Variants in PPARGC1A observed in about 807,000 individuals in gnomAD.
The protein encoded by PPARGC1A is peroxisome proliferator-activated receptor gamma coactivator 1-alpha.
In PPARGC1A, 25 loss-of-function variants were observed where a neutral mutation model predicts 88.7. The observed-to-expected ratio is 0.28, with a 90% CI of 0.21 to 0.39. The LOEUF (loss-of-function observed/expected upper bound fraction) is 0.39, where lower values mean the gene tolerates loss of function less well. PPARGC1A is among the 10% of genes least tolerant of loss of function. PPARGC1A has a pLI of 1.00. For missense variants in PPARGC1A, 880 were observed against 968.7 expected, an observed-to-expected ratio of 0.91 and a Z score of 1.22; for synonymous variants, 363 against 355.6, an observed-to-expected ratio of 1.02 and a Z score of -0.24.
the PPARGC1A span, among the ~76,000 whole-genome samples, chr4:24,049,605 T>C: frequency 6.6e-6 from 1 of 152,066 alleles, no homozygotes; most frequent in Admixed American, 6.6e-5. Flanking sequence ...TGGGCCTTTG[T>C]GGGAGAGATA....
At chr4:23,877,892 C>G (rs1715129814) in intron 2 of PPARGC1A, 1 of 152,224 alleles carries the variant, frequency 6.6e-6, no homozygotes, top group African/African-American at 2.4e-5. Context: ...GGGGCATGGA[C>G]AAATAAACAC....
At chr4:23,861,685 G>C (rs1404223727) in intron 2 of PPARGC1A, among the ~76,000 whole-genome samples, 1 of 152,116 alleles carries the variant, frequency 6.6e-6, no homozygotes, top group African/African-American at 2.4e-5. Flanking sequence ...CAAAAAAAAG[G>C]CAAAATATTT....
upstream of PPARGC1A, among the ~76,000 whole-genome samples, chr4:23,906,339 G>T (rs34135934): frequency 6.6e-6 from 1 of 151,800 alleles, no homozygotes; most frequent in Non-Finnish European, 1.5e-5. Context: ...CCAGCCGGGC[G>T]CGGTGGCTCA....
At chr4:24,038,231 C>T in the PPARGC1A span, among the ~76,000 whole-genome samples, 17 of 152,298 alleles carry the variant, frequency 1.1e-4, no homozygotes, top group African/African-American at 2.4e-4. Flanking sequence ...CATAACTCTG[C>T]GACTCAGGAT....
chr4:24,159,705 C>G, the PPARGC1A span, among the ~76,000 whole-genome samples: 1 of 152,208 alleles, frequency 6.6e-6, no homozygotes, highest in Non-Finnish European at 1.5e-5. Context: ...CAACTCATGT[C>G]AGTTCCCTTC....
chr4:24,032,368 G>C, the PPARGC1A span, among the ~76,000 whole-genome samples: 23 of 152,256 alleles, frequency 1.5e-4, no homozygotes, highest in Non-Finnish European at 3.1e-4. Flanking sequence ...GCTCCTGGTG[G>C]CTTATGGAGC....
At chr4:23,893,893 C>A (rs1193831148), upstream of PPARGC1A, among the ~76,000 whole-genome samples, 1 of 152,088 alleles carries the variant, frequency 6.6e-6, no homozygotes, top group East Asian at 1.9e-4. Flanking sequence ...CACGTATGGG[C>A]TAGACATTAA....
At chr4:23,987,723 G>A in the PPARGC1A span, among the ~76,000 whole-genome samples, 1 of 151,960 alleles carries the variant, frequency 6.6e-6, no homozygotes, top group Non-Finnish European at 1.5e-5. Context: ...AGAAGCCGAC[G>A]TTTATTCACC....
At chr4:24,365,050 C>T in the PPARGC1A span, among the ~76,000 whole-genome samples, 2 of 151,704 alleles carry the variant, frequency 1.3e-5, no homozygotes, top group Non-Finnish European at 2.9e-5. Flanking sequence ...CTACCAAATG[C>T]TAAATATAGG....
chr4:24,154,934 T>C, the PPARGC1A span, among the ~76,000 whole-genome samples: 1 of 152,144 alleles, frequency 6.6e-6, no homozygotes, highest in Non-Finnish European at 1.5e-5. Flanking sequence ...AGTTACACCT[T>C]GAGAAATGTA....
chr4:24,251,201 C>A, the PPARGC1A span, among the ~76,000 whole-genome samples: 5 of 152,194 alleles, frequency 3.3e-5, no homozygotes, highest in African/African-American at 4.8e-5. Flanking sequence ...AATACAGATG[C>A]TGAATGTGTT....
chr4:23,939,354 T>G, the PPARGC1A span, among the ~76,000 whole-genome samples: 1 of 152,212 alleles, frequency 6.6e-6, no homozygotes, highest in Non-Finnish European at 1.5e-5. Flanking sequence ...GACTAATTCA[T>G]TGACAGATGG....
At chr4:24,180,279 C>T in the PPARGC1A span, among the ~76,000 whole-genome samples, 14 of 152,190 alleles carry the variant, frequency 9.2e-5, no homozygotes, top group Non-Finnish European at 1.9e-4. Flanking sequence ...TACTGAGCAT[C>T]TTTCTTTAAA....
the PPARGC1A span, among the ~76,000 whole-genome samples, chr4:24,212,274 C>T: frequency 6.6e-6 from 1 of 152,168 alleles, no homozygotes; most frequent in Non-Finnish European, 1.5e-5. Flanking sequence ...CCTATAAAAA[C>T]ATTCTAGGTG....
the PPARGC1A span, among the ~76,000 whole-genome samples, chr4:24,275,680 C>T: frequency 6.6e-6 from 1 of 152,178 alleles, no homozygotes; most frequent in Non-Finnish European, 1.5e-5. Flanking sequence ...AAATGTGATT[C>T]CTATTAATGT....
At chr4:23,824,039 A>T (rs1295817657) in intron 7 of PPARGC1A, among the ~76,000 whole-genome samples, 1 of 152,044 alleles carries the variant, frequency 6.6e-6, no homozygotes, top group Non-Finnish European at 1.5e-5. Context: ...ATTTGCAACC[A>T]ACTCAGAAGT....
the PPARGC1A span, among the ~76,000 whole-genome samples, chr4:24,137,677 G>C: frequency 2.0e-5 from 3 of 152,144 alleles, no homozygotes; most frequent in Non-Finnish European, 4.4e-5. Context: ...AGTGGGCATA[G>C]AGAATCGCTT....
chr4:24,108,097 G>A, the PPARGC1A span, among the ~76,000 whole-genome samples: 1 of 152,142 alleles, frequency 6.6e-6, no homozygotes, highest in African/African-American at 2.4e-5. Flanking sequence ...AGCCTCTGAT[G>A]GAAGATTAGA....
At chr4:24,225,709 A>G in the PPARGC1A span, among the ~76,000 whole-genome samples, 13 of 152,116 alleles carry the variant, frequency 8.5e-5, no homozygotes, top group Admixed American at 2.0e-4. Flanking sequence ...AACAAATGGA[A>G]AATGGAGCTT....
Sources: gnomAD v4.1 joint callset for allele counts (sites outside exome capture counted in the v4.1 genomes callset) on GRCh38, gnomAD v4.1.1 for gene constraint, MANE v1.5 for transcripts, NCBI Gene and HGNC (gene_info 2026-07-23, HGNC 2026-07-21) for gene names.